RAB11FIP1: variants seen among roughly 807,000 people sequenced by gnomAD.
The protein encoded by RAB11FIP1 is rab11 family-interacting protein 1.
In RAB11FIP1, 49 loss-of-function variants were observed where a neutral mutation model predicts 83.1. The observed-to-expected ratio is 0.59, with a 90% CI of 0.47 to 0.75. The LOEUF (loss-of-function observed/expected upper bound fraction) is 0.75, where lower values mean the gene tolerates loss of function less well. RAB11FIP1 is among the 30% of genes least tolerant of loss of function. RAB11FIP1 has a pLI of 0.00. For missense variants in RAB11FIP1, 1,536 were observed against 1,598.7 expected (o/e 0.96, Z 0.67); for synonymous variants, 670 against 656.0 (o/e 1.02, Z -0.33).
rs17362412 is a variant in RAB11FIP1 at position 37,872,228 on chromosome 8, G to A, written c.2574C>T (p.His858=). ...CCGATTCCCTTTCTGAGTCCTCTGC[G>A]TGGGGAGACTCAGGAGGCTCTCCGT... The part of the protein sequence containing the change: ...ASDGEPPESP[H]AEDSERESVT... The change falls in exon 4 of 6, where the codon CAC becomes CAT. Residue 858 remains histidine, a synonymous_variant. Coordinates refer to ENST00000330843, the MANE Select transcript of RAB11FIP1 (RefSeq NM_001002814.3). 13,247 of 1,614,030 alleles carry A rather than the reference G, an allele frequency of 8.2e-3. 63 individuals carry two copies. Among genetic ancestry groups the A allele is most frequent in the Non-Finnish European group, 9.8e-3 (11,592 of 1,179,982 alleles).
At chr8:37,882,313 A>G (rs1806747810) in intron 1 of RAB11FIP1, among the ~76,000 whole-genome samples, 1 of 152,206 alleles carries the variant, frequency 6.6e-6, no homozygotes, top group Non-Finnish European at 1.5e-5. Flanking sequence ...TAGCCTCTAG[A>G]TGTTTATGGG....
Position 37,871,634 on chromosome 8 carries a change from A to T in RAB11FIP1, c.3168T>A (p.Leu1056=). ...TTEFGIHKPH[L]GKSSSLDKQL... ...GTTTATCCAAGCTTGAGCTCTTGCC[A>T]AGATGTGGTTTGTGAATTCCGAACT... is the stretch of plus-strand genomic sequence containing the variant. The change falls in exon 4 of 6, where the codon CTT becomes CTA. Residue 1056 remains leucine, a synonymous_variant. Coordinates refer to ENST00000330843, the MANE Select transcript of RAB11FIP1 (RefSeq NM_001002814.3). 1 of 1,608,310 alleles carries T rather than the reference A, an allele frequency of 6.2e-7. No homozygotes were observed. Among genetic ancestry groups the T allele is most frequent in the African/African-American group, 1.3e-5 (1 of 74,908 alleles).
intron 1 of RAB11FIP1, among the ~76,000 whole-genome samples, chr8:37,897,591 GT>G (rs1320438727): frequency 6.6e-6 from 1 of 151,562 alleles, no homozygotes; most frequent in Admixed American, 6.6e-5. Flanking sequence ...TTTTTGCCCA[GT>G]TTTTACTGCA....
In RAB11FIP1 at chr8:37,872,992, C is replaced by A; in HGVS notation, c.1810G>T (p.Ala604Ser). 1.2e-6 allele frequency: 2 copies of A among 1,614,068 alleles called. No homozygotes were observed. The highest frequency in any genetic ancestry group is 1.7e-6 in the Non-Finnish European group (2 of 1,179,996). ...ATTGGAGTGGATGTGGAAATGGGAG[C>A]TGCTATGGGAGATGAGAGAGAGGAG... Reference protein sequence around the residue: ...VFSSLSSPIAAPISTSTPIES... With the variant: ...VFSSLSSPIASPISTSTPIES... Residue 604 changes from alanine (A) to serine (S), a missense_variant, in exon 4 of 6, where the codon GCT becomes TCT. Physicochemically the swap from Ala to Ser is moderately conservative, Grantham distance 99. Transcript: ENST00000330843.
intron 2 of RAB11FIP1, among the ~76,000 whole-genome samples, 160 bp from the exon 3 acceptor site, chr8:37,875,482 A>T (rs1433444107): frequency 6.6e-6 from 1 of 152,160 alleles, no homozygotes; most frequent in Non-Finnish European, 1.5e-5. Flanking sequence ...ATGATACTGA[A>T]CATCTTACAA....
intron 1 of RAB11FIP1, among the ~76,000 whole-genome samples, chr8:37,891,935 G>A (rs1806954668): frequency 6.6e-6 from 1 of 152,088 alleles, no homozygotes; most frequent in Admixed American, 6.6e-5. Context: ...ATACATACAC[G>A]CCCTGGTTTC....
At chr8:37,870,603 G>A (rs1179948633) in intron 4 of RAB11FIP1, 75 bp from the exon 5 acceptor site, 4 of 755,500 alleles carry the variant, frequency 5.3e-6, no homozygotes, top group Non-Finnish European at 8.9e-6. Flanking sequence ...TGCAAAGACG[G>A]CAGCCAGTAA....
intron 1 of RAB11FIP1, among the ~76,000 whole-genome samples, chr8:37,878,433 C>A (rs1385313691): frequency 1.3e-5 from 2 of 150,264 alleles, no homozygotes; most frequent in African/African-American, 4.9e-5. Flanking sequence ...ACTCAGGAGA[C>A]CGTGGCAGGA....
chr8:37,861,869 A>G lies in RAB11FIP1; in HGVS notation c.*1026T>C, dbSNP rs901086974. The stretch of plus-strand genomic sequence containing the variant: ...CTTGCAAAGTGCTGGGATTACAGGC[A>G]TGAGCCACCACGACTGGCCTGAAGG... On this transcript the variant is annotated 3_prime_UTR_variant, in exon 6 of 6. Coordinates refer to ENST00000330843, the MANE Select transcript of RAB11FIP1 (RefSeq NM_001002814.3). The G allele has an allele frequency of 4.4e-5, 11 of 248,540 alleles. No individual in the cohort carries two copies. The highest frequency in any genetic ancestry group is 5.6e-5 in the Non-Finnish European group (7 of 124,736). 15.4% of individuals were successfully genotyped at this position (248,540 alleles called of 1,614,324 possible).
chr8:37,867,628 A>G (rs1806366764), intron 5 of RAB11FIP1, among the ~76,000 whole-genome samples: 2 of 151,690 alleles, frequency 1.3e-5, no homozygotes, highest in South Asian at 4.2e-4. Flanking sequence ...AATTGCTTGA[A>G]CCTGGGAGGT....
chr8:37,879,740 G>A (rs775402931), intron 1 of RAB11FIP1, among the ~76,000 whole-genome samples: 36 of 152,036 alleles, frequency 2.4e-4, no homozygotes, highest in Middle Eastern at 3.4e-3. Context: ...AAAAATAGCC[G>A]GGTGTTGTGC....
In RAB11FIP1 at chr8:37,861,778, G is replaced by A. The variant is rs1369748080; in HGVS notation, c.*1117C>T. 5.9e-6 allele frequency: 2 copies of A among 341,568 alleles called. No homozygotes were observed. Among genetic ancestry groups the A allele is most frequent in the Non-Finnish European group, 5.7e-6 (1 of 176,344 alleles). The allele number at this position is 341,568 out of a possible 1,614,324, so 21.2% of individuals were successfully genotyped here. ...TAATTTTTGTATTTTTAGTAGAGAT[G>A]GGGTTTCGCCATGTTGGTCAGGCTG... On this transcript the variant is annotated 3_prime_UTR_variant, in exon 6 of 6. Transcript: ENST00000330843.
intron 1 of RAB11FIP1, among the ~76,000 whole-genome samples, chr8:37,883,023 C>T (rs185255517): frequency 6.6e-6 from 1 of 152,310 alleles, no homozygotes; most frequent in Admixed American, 6.5e-5. Flanking sequence ...TAGCCAGGCA[C>T]CAGCCACGGG....
chr8:37,861,720 C>T lies in RAB11FIP1; in HGVS notation c.*1175G>A. On this transcript the variant is annotated 3_prime_UTR_variant, in exon 6 of 6. Transcript: ENST00000330843. ...TCTCCTGCCCCAGCCTCCCGAGTAG[C>T]TGGGATTACAGGCACGCACCACCAT... The T allele has an allele frequency of 2.7e-6, 1 of 376,364 alleles. No homozygotes were observed. Among genetic ancestry groups the T allele is most frequent in the South Asian group, 2.0e-5 (1 of 50,402 alleles). The allele number at this position is 376,364 out of a possible 1,614,324, so 23.3% of individuals were successfully genotyped here.
rs1366031183 is a variant in RAB11FIP1 at position 37,875,288 on chromosome 8, A to C, written c.849T>G (p.Leu283=). Residue 283 remains leucine, a synonymous_variant, in exon 3 of 6, where the codon CTT becomes CTG. Transcript: ENST00000330843. ...MSHKRTASTD[L]KQLNQVNFTL... is the part of the protein sequence containing the mutation. Reference sequence around the variant, plus strand: ...TAAAGTTGACCTGGTTCAGTTGCTTAAGATCCGTACTCGCTGTTCTCTTGT... The same window carrying C: ...TAAAGTTGACCTGGTTCAGTTGCTTCAGATCCGTACTCGCTGTTCTCTTGT... 6.2e-7 allele frequency: 1 copy of C among 1,613,670 alleles called. No homozygotes were observed. The highest frequency in any genetic ancestry group is 8.5e-7 in the Non-Finnish European group (1 of 1,179,792).
At chr8:37,879,383 TG>T (rs1223293934) in intron 1 of RAB11FIP1, among the ~76,000 whole-genome samples, 2 of 152,034 alleles carry the variant, frequency 1.3e-5, no homozygotes, top group African/African-American at 4.8e-5. Context: ...AGTCCACTTA[TG>T]TGAGGTTCCT....
Position 37,874,952 on chromosome 8 carries a change from C to G in RAB11FIP1, c.1185G>C (p.Leu395=). ...CCAGTGGGGCAGGTCGGTAGGACGGCAGGGTCATAGACTTCAAGGAGTCCT... is the reference window on the plus strand; with the variant it reads ...CCAGTGGGGCAGGTCGGTAGGACGGGAGGGTCATAGACTTCAAGGAGTCCT... ...STKDSLKSMT[L]PSYRPAPLVS... Residue 395 remains leucine (L), a synonymous_variant, in exon 3 of 6, where the codon CTG becomes CTC. Transcript: ENST00000330843. 6.2e-7 allele frequency: 1 copy of G among 1,614,194 alleles called. No homozygotes were observed. Among genetic ancestry groups the G allele is most frequent in the Non-Finnish European group, 8.5e-7 (1 of 1,180,028 alleles).
chr8:37,890,075 C>T (rs1219149289), intron 1 of RAB11FIP1, among the ~76,000 whole-genome samples: 2 of 152,178 alleles, frequency 1.3e-5, no homozygotes, highest in East Asian at 3.8e-4. Context: ...ATGAGCCTGG[C>T]CTCACCAAAG....
At chr8:37,878,390 C>T (rs1262193450) in intron 1 of RAB11FIP1, among the ~76,000 whole-genome samples, 2 of 150,974 alleles carry the variant, frequency 1.3e-5, no homozygotes, top group African/African-American at 2.4e-5. Context: ...AAAAATTAGC[C>T]GGGTGTGGTG....
Sources: gnomAD v4.1 joint callset for allele counts (sites outside exome capture counted in the v4.1 genomes callset) on GRCh38, gnomAD v4.1.1 for gene constraint, MANE v1.5 for transcripts, NCBI Gene and HGNC (gene_info 2026-07-23, HGNC 2026-07-21) for gene names.